The following EEPD1 variants were observed in gnomAD, a reference collection of about 807,000 sequenced individuals.
EEPD1 encodes the protein endonuclease/exonuclease/phosphatase family domain-containing protein 1.
EEPD1 carries 17 observed loss-of-function variants against 46.3 expected under a neutral mutation model. The observed-to-expected ratio is 0.37, with a 90% confidence interval of 0.25 to 0.55. The LOEUF is 0.55. EEPD1 is among the 20% of genes least tolerant of loss of function. EEPD1 has a pLI of 0.83. For missense variants in EEPD1, 673 were observed against 745.6 expected, an observed-to-expected ratio of 0.90 and a Z score of 1.13; for synonymous variants, 313 against 315.6, an observed-to-expected ratio of 0.99 and a Z score of 0.09.
chr7:36,204,654 A>G (rs1427225323), intron 2 of EEPD1, among the ~76,000 whole-genome samples: 1 of 152,194 alleles, frequency 6.6e-6, no homozygotes, highest in Non-Finnish European at 1.5e-5. Flanking sequence ...TGAAGCCTGC[A>G]GGTACCCTAA....
intron 3 of EEPD1, among the ~76,000 whole-genome samples, chr7:36,276,312 T>G (rs1787182064): frequency 6.6e-6 from 1 of 152,190 alleles, no homozygotes; most frequent in Non-Finnish European, 1.5e-5. Context: ...TTTACACTAA[T>G]TATAATGCAT....
At chr7:36,218,154 G>T (rs1297889494) in intron 2 of EEPD1, among the ~76,000 whole-genome samples, 2 of 152,120 alleles carry the variant, frequency 1.3e-5, no homozygotes, top group Non-Finnish European at 2.9e-5. Flanking sequence ...CCAGGGCAGA[G>T]CCAGTATCAT....
chr7:36,235,927 C>CTTT (rs35122231), intron 2 of EEPD1, among the ~76,000 whole-genome samples: 5 of 138,572 alleles, frequency 3.6e-5, no homozygotes, highest in Admixed American at 7.2e-5. Flanking sequence ...GAACTTTTTC[C>CTTT]TTTTTTTTTT....
chr7:36,235,562 C>T (rs748829406), intron 2 of EEPD1, among the ~76,000 whole-genome samples: 1 of 152,252 alleles, frequency 6.6e-6, no homozygotes, highest in Non-Finnish European at 1.5e-5. Context: ...TACAGTACAT[C>T]ATATTCTGGA....
intron 2 of EEPD1, among the ~76,000 whole-genome samples, chr7:36,226,262 A>G (rs1297739801): frequency 6.6e-6 from 1 of 152,186 alleles, no homozygotes; most frequent in Non-Finnish European, 1.5e-5. Flanking sequence ...AAGAAGTGTT[A>G]GTGGCTAAAG....
intron 2 of EEPD1, among the ~76,000 whole-genome samples, chr7:36,220,933 C>T (rs1197153792): frequency 1.3e-5 from 2 of 152,060 alleles, no homozygotes; most frequent in African/African-American, 2.4e-5. Context: ...CTGAGTAGCT[C>T]GGATTATAGG....
At chr7:36,249,959 C>G (rs1324819647) in intron 3 of EEPD1, among the ~76,000 whole-genome samples, 1 of 152,226 alleles carries the variant, frequency 6.6e-6, no homozygotes, top group African/African-American at 2.4e-5. Context: ...TGGCTCACAC[C>G]TGTAATCCCA....
intron 2 of EEPD1, among the ~76,000 whole-genome samples, chr7:36,170,566 C>CT (rs58354576): frequency 8.7e-4 from 123 of 142,092 alleles, no homozygotes; most frequent in Admixed American, 2.6e-3. Flanking sequence ...TTAAAAGTGT[C>CT]TTTTTTTTTT....
intron 6 of EEPD1, among the ~76,000 whole-genome samples, chr7:36,291,400 T>G (rs1787428824): frequency 6.6e-6 from 1 of 152,166 alleles, no homozygotes; most frequent in Admixed American, 6.5e-5. Flanking sequence ...CCTGGTGACT[T>G]TGGACAAACC....
At chr7:36,269,353 G>A (rs904087788) in intron 3 of EEPD1, among the ~76,000 whole-genome samples, 8 of 152,174 alleles carry the variant, frequency 5.3e-5, no homozygotes, top group African/African-American at 1.7e-4. Context: ...GTCAGTCAGC[G>A]ATTTAAAAAG....
intron 2 of EEPD1, among the ~76,000 whole-genome samples, chr7:36,183,360 G>T (rs1343027382): frequency 6.6e-6 from 1 of 152,150 alleles, no homozygotes; most frequent in South Asian, 2.1e-4. Context: ...ACGTGGTCAC[G>T]TCTCCCTGTG....
intron 3 of EEPD1, among the ~76,000 whole-genome samples, chr7:36,241,147 C>T (rs958791387): frequency 1.3e-5 from 2 of 152,112 alleles, no homozygotes; most frequent in Admixed American, 1.3e-4. Context: ...TCTTAGTATT[C>T]ATTATGGTTA....
chr7:36,272,046 T>C (rs1020738995), intron 3 of EEPD1, among the ~76,000 whole-genome samples: 2 of 151,776 alleles, frequency 1.3e-5, no homozygotes, highest in Non-Finnish European at 2.9e-5. Flanking sequence ...AACGCCCCGC[T>C]AATTTTTTGT....
intron 3 of EEPD1, among the ~76,000 whole-genome samples, chr7:36,253,042 G>A (rs549187581): frequency 6.6e-6 from 1 of 151,412 alleles, no homozygotes; most frequent in African/African-American, 2.4e-5. Flanking sequence ...AGTGTCTTAA[G>A]GTGGAAGCTT....
At chr7:36,235,948 A>T (rs1786427402) in intron 2 of EEPD1, among the ~76,000 whole-genome samples, 1 of 146,124 alleles carries the variant, frequency 6.8e-6, no homozygotes, top group Non-Finnish European at 1.5e-5. Flanking sequence ...TTTTTGAGAC[A>T]GAGTCTCGCT....
At chr7:36,241,241 C>A (rs1326199515) in intron 3 of EEPD1, among the ~76,000 whole-genome samples, 1 of 151,936 alleles carries the variant, frequency 6.6e-6, no homozygotes, top group African/African-American at 2.4e-5. Context: ...TTTGGGAGGC[C>A]AAGGCAGGCA....
At chr7:36,284,286 T>C (rs1787306548) in intron 4 of EEPD1, among the ~76,000 whole-genome samples, 1 of 152,204 alleles carries the variant, frequency 6.6e-6, no homozygotes, top group African/African-American at 2.4e-5. Flanking sequence ...AGTCTCAGCA[T>C]TGTGATCAGC....
chr7:36,172,261 A>G (rs1785097910), intron 2 of EEPD1, among the ~76,000 whole-genome samples: 1 of 152,152 alleles, frequency 6.6e-6, no homozygotes, highest in South Asian at 2.1e-4. Flanking sequence ...TCAAGGTAGG[A>G]CTCTAATCTT....
At chr7:36,220,831 G>A (rs954660704) in intron 2 of EEPD1, among the ~76,000 whole-genome samples, 8 of 152,034 alleles carry the variant, frequency 5.3e-5, no homozygotes, top group East Asian at 1.9e-4. Context: ...ATGGAGTCTC[G>A]CTCTGGTGCC....
Sources: gnomAD v4.1 joint callset for allele counts (sites outside exome capture counted in the v4.1 genomes callset) on GRCh38, gnomAD v4.1.1 for gene constraint, MANE v1.5 for transcripts, NCBI Gene and HGNC (gene_info 2026-07-23, HGNC 2026-07-21) for gene names.